The following CCND3 variants were observed in gnomAD, a reference collection of about 807,000 sequenced individuals.
CCND3 encodes G1/S-specific cyclin-D3.
In CCND3, 9 loss-of-function variants were observed where a neutral mutation model predicts 28.7. The observed-to-expected ratio is 0.31, with a 90% CI of 0.19 to 0.55. CCND3 has a LOEUF of 0.55. Ranked by LOEUF, CCND3 falls within the 20% of genes least tolerant of loss-of-function variation. CCND3 has a pLI of 0.93. For synonymous variants in CCND3, 164 were observed against 163.9 expected, an observed-to-expected ratio of 1.00 and a Z score of 0.00; for missense variants, 315 against 385.8, an observed-to-expected ratio of 0.82 and a Z score of 1.54.
intron 1 of CCND3, among the ~76,000 whole-genome samples, chr6:41,994,631 T>C (rs970379434): frequency 6.6e-6 from 1 of 152,076 alleles, no homozygotes. Context: ...TGATAATATA[T>C]CAACGTAGGT....
chr6:42,004,068 ATGTGTG>A (rs35124169), intron 1 of CCND3, among the ~76,000 whole-genome samples: 11 of 143,710 alleles, frequency 7.7e-5, no homozygotes, highest in African/African-American at 2.8e-4. Context: ...ATATATATGT[ATGTGTG>A]TGTGTGTGTG....
intron 1 of CCND3, among the ~76,000 whole-genome samples, chr6:42,044,446 A>G (rs1764468793): frequency 6.6e-6 from 1 of 152,212 alleles, no homozygotes; most frequent in Admixed American, 6.5e-5. Flanking sequence ...GGGAGAGCAA[A>G]GAATGACATA....
intron 1 of CCND3, among the ~76,000 whole-genome samples, chr6:41,987,853 G>A (rs1260453444): frequency 6.6e-6 from 1 of 151,630 alleles, no homozygotes; most frequent in Non-Finnish European, 1.5e-5. Context: ...TCTGCTTTGT[G>A]CTGAGGAGAA....
chr6:42,015,791 G>A (rs1434532249), intron 1 of CCND3, among the ~76,000 whole-genome samples: 1 of 151,934 alleles, frequency 6.6e-6, no homozygotes, highest in Non-Finnish European at 1.5e-5. Flanking sequence ...GTGATATTTT[G>A]AAATATATAT....
At chr6:41,969,525 CAA>C (rs755076775) in intron 1 of CCND3, among the ~76,000 whole-genome samples, 1 of 151,382 alleles carries the variant, frequency 6.6e-6, no homozygotes, top group Non-Finnish European at 1.5e-5. Flanking sequence ...CAAAAAAAAA[CAA>C]GAGATCAAGA....
intron 1 of CCND3, among the ~76,000 whole-genome samples, chr6:42,034,103 T>C (rs992807670): frequency 3.3e-5 from 5 of 151,384 alleles, no homozygotes; most frequent in Non-Finnish European, 7.4e-5. Context: ...TGAGCTACGA[T>C]TGCACCACTG....
At chr6:41,966,615 T>C (rs1761893427) in intron 1 of CCND3, among the ~76,000 whole-genome samples, 1 of 151,728 alleles carries the variant, frequency 6.6e-6, no homozygotes, top group Non-Finnish European at 1.5e-5. Flanking sequence ...TATATCTCCA[T>C]ACAGAATTTA....
At chr6:42,023,006 T>C (rs187833695) in intron 1 of CCND3, among the ~76,000 whole-genome samples, 1 of 152,368 alleles carries the variant, frequency 6.6e-6, no homozygotes, top group East Asian at 1.9e-4. Flanking sequence ...CCATTATTCA[T>C]GGAGTCTGTA....
chr6:41,966,671 A>G (rs535102356), intron 1 of CCND3, among the ~76,000 whole-genome samples: 1 of 152,292 alleles, frequency 6.6e-6, no homozygotes, highest in South Asian at 2.1e-4. Flanking sequence ...AGGTCTGTCT[A>G]TCCCATAGCT....
chr6:42,036,679 C>T (rs2127439125), intron 1 of CCND3, among the ~76,000 whole-genome samples: 1 of 151,948 alleles, frequency 6.6e-6, no homozygotes, highest in Admixed American at 6.6e-5. Context: ...GCTGAGATTA[C>T]AGGCATGAGC....
intron 1 of CCND3, among the ~76,000 whole-genome samples, chr6:41,967,795 T>C (rs1053169342): frequency 6.6e-6 from 1 of 152,226 alleles, no homozygotes; most frequent in Non-Finnish European, 1.5e-5. Flanking sequence ...TGCGTGATTC[T>C]TTCCCCAGTC....
intron 1 of CCND3, among the ~76,000 whole-genome samples, chr6:41,995,611 C>T (rs1441855298): frequency 2.6e-5 from 4 of 152,046 alleles, no homozygotes; most frequent in Admixed American, 2.0e-4. Flanking sequence ...GCAGTATAAA[C>T]AATTGTATAA....
chr6:42,033,085 G>A (rs1263050300), intron 1 of CCND3, among the ~76,000 whole-genome samples: 1 of 152,172 alleles, frequency 6.6e-6, no homozygotes, highest in East Asian at 1.9e-4. Context: ...AAATGAAACA[G>A]CAAAATAGAA....
At chr6:41,963,210 T>G (rs1232205532) in intron 1 of CCND3, among the ~76,000 whole-genome samples, 1 of 152,128 alleles carries the variant, frequency 6.6e-6, no homozygotes, top group East Asian at 1.9e-4. Flanking sequence ...CTAAAATCCT[T>G]CCCCAATCTC....
intron 1 of CCND3, among the ~76,000 whole-genome samples, chr6:42,013,255 T>C (rs143850417): frequency 6.9e-4 from 105 of 152,302 alleles, no homozygotes; most frequent in African/African-American, 2.3e-3. Flanking sequence ...TTGGGCTTTT[T>C]TCAAAATTGA....
At chr6:41,953,266 C>A (rs1172280324) in intron 1 of CCND3, among the ~76,000 whole-genome samples, 16 of 140,622 alleles carry the variant, frequency 1.1e-4, no homozygotes, top group Non-Finnish European at 9.4e-5. Context: ...CTCCCTCTCA[C>A]AAAAAAAAAA....
intron 1 of CCND3, among the ~76,000 whole-genome samples, chr6:42,041,091 A>T (rs1764359817): frequency 6.6e-6 from 1 of 152,182 alleles, no homozygotes. Context: ...ACACATGAGG[A>T]TTCAGAGAAA....
chr6:41,990,185 G>C (rs1762606597), intron 1 of CCND3, among the ~76,000 whole-genome samples: 1 of 151,572 alleles, frequency 6.6e-6, no homozygotes. Flanking sequence ...AATCAAGAAT[G>C]CAATTCCATT....
At position 42,020,692 on chromosome 6, in the gene CCND3, G is replaced by A. The variant is rs79444255; in HGVS notation, c.-46+27809C>T. ...CTCCCCTTCTCTCAGAATTCCCACA[G>A]CACAGAGAGCCTGCACTCCAAGACT... On this transcript the variant is annotated intron_variant, in intron 1 of 4. Transcript: ENST00000372988. Among the ~76,000 whole-genome samples, 1,268 of 152,244 alleles carry A rather than the reference G, an allele frequency of 8.3e-3. 16 individuals carry two copies. The highest frequency in any genetic ancestry group is 0.027 in the African/African-American group (1,119 of 41,536).
Sources: allele counts gnomAD v4.1 joint callset (sites outside exome capture counted in the v4.1 genomes callset), GRCh38; gene constraint gnomAD v4.1.1; transcripts MANE v1.5; gene names NCBI Gene and HGNC (gene_info 2026-07-23, HGNC 2026-07-21).